Variants in DNMBP observed in about 807,000 individuals in gnomAD.
DNMBP encodes the protein dynamin binding protein, also known as dynamin-binding protein.
DNMBP carries 87 observed loss-of-function variants against 150.0 expected under a neutral mutation model. That is an observed-to-expected ratio of 0.58 (90% confidence interval 0.49 to 0.69). DNMBP has a LOEUF of 0.69. DNMBP is among the 30% of genes least tolerant of loss of function. The probability of loss-of-function intolerance (pLI) is 0.00; values close to 1 mark genes in which losing one functional copy is unlikely to be tolerated. For missense variants in DNMBP, 1,774 were observed against 1,949.0 expected, an observed-to-expected ratio of 0.91 and a Z score of 1.69; for synonymous variants, 711 against 750.4, an observed-to-expected ratio of 0.95 and a Z score of 0.86.
intron 13 of DNMBP, among the ~76,000 whole-genome samples, 174 bp from the exon 14 acceptor site, chr10:99,886,040 C>T (rs1444867044): frequency 6.6e-6 from 1 of 152,188 alleles, no homozygotes; most frequent in African/African-American, 2.4e-5. Flanking sequence ...CAGCCTGATG[C>T]AAGACACAAG....
chr10:99,877,726 TG>T (rs749168908), intron 16 of DNMBP, among the ~76,000 whole-genome samples: 23 of 152,096 alleles, frequency 1.5e-4, no homozygotes, highest in Admixed American at 2.6e-4. Flanking sequence ...TAGCCGGGCG[TG>T]GTGGCACACA....
At chr10:99,880,476 A>T (rs2039350433) in intron 15 of DNMBP, 115 bp from the exon 16 acceptor site, 1 of 1,366,962 alleles carries the variant, frequency 7.3e-7, no homozygotes, top group Non-Finnish European at 9.6e-7. Flanking sequence ...AATGAAGAGT[A>T]AAACAAAAAC....
At chr10:99,958,846 ATAT>A (rs1422222830) in intron 3 of DNMBP, among the ~76,000 whole-genome samples, 1 of 152,242 alleles carries the variant, frequency 6.6e-6, no homozygotes, top group Non-Finnish European at 1.5e-5. Flanking sequence ...TTTTAGTGTA[ATAT>A]TATGAAAGTT....
intron 6 of DNMBP, among the ~76,000 whole-genome samples, chr10:99,900,998 C>T (rs550089669): frequency 9.2e-5 from 14 of 152,198 alleles, no homozygotes; most frequent in Non-Finnish European, 1.6e-4. Context: ...TGCAGTGGTA[C>T]GATCTTGGCT....
chr10:99,926,670 G>A (rs2040081877), intron 4 of DNMBP, among the ~76,000 whole-genome samples: 1 of 152,160 alleles, frequency 6.6e-6, no homozygotes, highest in South Asian at 2.1e-4. Flanking sequence ...AGCTATTAAG[G>A]GGGAAATCCT....
intron 4 of DNMBP, among the ~76,000 whole-genome samples, chr10:99,952,589 A>G (rs959843421): frequency 6.6e-6 from 1 of 152,116 alleles, no homozygotes; most frequent in African/African-American, 2.4e-5. Context: ...CCCCTAATCA[A>G]TTACACTGAA....
intron 4 of DNMBP, among the ~76,000 whole-genome samples, chr10:99,922,244 A>G (rs2040030243): frequency 6.6e-6 from 1 of 152,034 alleles, no homozygotes; most frequent in African/African-American, 2.4e-5. Context: ...GCATGCCATG[A>G]TATTGCAAGT....
rs185393441 is a variant in DNMBP, at chr10:99,992,234, C to T, written c.-11+17604G>A. Among the ~76,000 whole-genome samples, 252 of 151,922 alleles carry T rather than the reference C, an allele frequency of 1.7e-3. 1 individual carries two copies. The Middle Eastern group carries it at 0.02, about 12-fold the overall frequency. On this transcript the variant is annotated intron_variant, in intron 1 of 16. Transcript: ENST00000324109. ...CAGCCTGGGTGACAGAGCAAGATCC[C>T]GTCTCAAAAACAAAACAAAACAAAA...
intron 6 of DNMBP, among the ~76,000 whole-genome samples, chr10:99,901,775 C>A (rs889842448): frequency 1.3e-5 from 2 of 152,178 alleles, no homozygotes; most frequent in African/African-American, 2.4e-5. Flanking sequence ...TGCTTCCCTA[C>A]AACCAACCAT....
At chr10:99,901,827 C>T (rs549977707) in intron 6 of DNMBP, among the ~76,000 whole-genome samples, 89 of 152,328 alleles carry the variant, frequency 5.8e-4, no homozygotes, top group African/African-American at 2.0e-3. Flanking sequence ...CTCAGGGAGC[C>T]TATCGCTGCT....
At chr10:99,880,485 A>G in intron 15 of DNMBP, 124 bp from the exon 16 acceptor site, 1 of 1,322,218 alleles carries the variant, frequency 7.6e-7, no homozygotes, top group Non-Finnish European at 1.0e-6. Context: ...TAAAACAAAA[A>G]CTCAAAAGCC....
intron 11 of DNMBP, among the ~76,000 whole-genome samples, chr10:99,893,828 C>T (rs965503596): frequency 3.9e-5 from 6 of 152,152 alleles, no homozygotes; most frequent in African/African-American, 1.4e-4. Flanking sequence ...CCTACACACA[C>T]ATGAAATCTC....
intron 4 of DNMBP, chr10:99,929,916 C>T (rs1248431097): frequency 1.4e-6 from 1 of 702,834 alleles, no homozygotes; most frequent in Non-Finnish European, 2.6e-6. Flanking sequence ...ATCTGTCCCT[C>T]TGGAATTACG....
At chr10:99,922,502 GTTTT>G (rs71189108) in intron 4 of DNMBP, among the ~76,000 whole-genome samples, 2 of 78,774 alleles carry the variant, frequency 2.5e-5, no homozygotes, top group East Asian at 7.9e-4. Context: ...AGCTGCTGCT[GTTTT>G]TTTTTTTTTT....
intron 3 of DNMBP, among the ~76,000 whole-genome samples, chr10:99,968,738 T>G (rs952067599): frequency 6.6e-6 from 1 of 150,456 alleles, no homozygotes; most frequent in Non-Finnish European, 1.5e-5. Context: ...AGTGTGGCTA[T>G]AGCATGGGGG....
At chr10:99,953,411 C>T (rs926699443) in intron 4 of DNMBP, among the ~76,000 whole-genome samples, 5 of 151,986 alleles carry the variant, frequency 3.3e-5, no homozygotes, top group African/African-American at 7.3e-5. Context: ...TCTTAGTTTC[C>T]TCATCTATAG....
intron 4 of DNMBP, among the ~76,000 whole-genome samples, chr10:99,931,901 C>G (rs907222061): frequency 6.6e-6 from 1 of 152,216 alleles, no homozygotes; most frequent in East Asian, 1.9e-4. Flanking sequence ...TGGATGTGAA[C>G]AGTGACTTCT....
Position 99,968,997 on chromosome 10 carries a change from T to C in DNMBP, c.268+118A>G, listed in dbSNP as rs149159985. The C allele has an allele frequency of 2.5e-3, 2,862 of 1,155,646 alleles. 17 individuals are homozygous for C. Among genetic ancestry groups the C allele is most frequent in the South Asian group, 8.9e-3 (593 of 66,796 alleles). The allele number at this position is 1,155,646 out of a possible 1,614,324, so 71.6% of individuals were successfully genotyped here. A position where few individuals can be genotyped will look rare whatever the true frequency, so the allele number is the denominator to read the frequency against. ...TCATTACGTCCACGCTATTTGGTAT[T>C]GCCGAGGACTCTCTAGAGGTTAAGC... On this transcript the variant is annotated intron_variant, in intron 3 of 16. Transcript: ENST00000324109.
At chr10:99,914,148 A>G in intron 4 of DNMBP, 1 of 1,294,514 alleles carries the variant, frequency 7.7e-7, no homozygotes, top group Non-Finnish European at 9.9e-7. Flanking sequence ...GGCTTGTCCT[A>G]AAGGATGGAG....
Sources: allele counts gnomAD v4.1 joint callset (sites outside exome capture counted in the v4.1 genomes callset), GRCh38; gene constraint gnomAD v4.1.1; transcripts MANE v1.5; gene names NCBI Gene and HGNC (gene_info 2026-07-23, HGNC 2026-07-21).